TSPAN18: variants seen among roughly 807,000 people sequenced by gnomAD.
TSPAN18 encodes the protein tetraspanin 18, also known as tetraspanin-18.
TSPAN18 carries 14 observed loss-of-function variants against 27.3 expected under a neutral mutation model. That is an observed-to-expected ratio of 0.51 (90% CI 0.34 to 0.80). TSPAN18 has a LOEUF of 0.80. TSPAN18 is among the 30% of genes least tolerant of loss of function. The pLI is 0.01. For synonymous variants in TSPAN18, 143 were observed against 136.5 expected (o/e 1.05, Z -0.33); for missense variants, 268 against 323.9 (o/e 0.83, Z 1.32).
intron 3 of TSPAN18, chr11:44,897,622 G>T: frequency 2.1e-6 from 1 of 483,818 alleles, no homozygotes; most frequent in Non-Finnish European, 3.6e-6. Context: ...GCTCTAATGG[G>T]CCCAGATTAG....
intron 1 of TSPAN18, among the ~76,000 whole-genome samples, chr11:44,749,335 G>C (rs2086772992): frequency 6.6e-6 from 1 of 152,226 alleles, no homozygotes; most frequent in Non-Finnish European, 1.5e-5. Flanking sequence ...AAACTGCCTG[G>C]GACAATGTGA....
At chr11:44,738,968 C>T (rs1313252589) in intron 1 of TSPAN18, among the ~76,000 whole-genome samples, 2 of 152,184 alleles carry the variant, frequency 1.3e-5, no homozygotes, top group African/African-American at 4.8e-5. Flanking sequence ...CACTCCACCG[C>T]CAGATGGTCT....
At chr11:44,754,443 G>A (rs1332500052) in intron 1 of TSPAN18, among the ~76,000 whole-genome samples, 1 of 152,204 alleles carries the variant, frequency 6.6e-6, no homozygotes, top group Non-Finnish European at 1.5e-5. Flanking sequence ...GTGGAGTTCA[G>A]GGTCTGGAAC....
intron 2 of TSPAN18, among the ~76,000 whole-genome samples, chr11:44,802,996 A>G (rs1856516204): frequency 6.6e-6 from 1 of 152,178 alleles, no homozygotes; most frequent in Non-Finnish European, 1.5e-5. Flanking sequence ...GGCACAAGTG[A>G]GTCTTTCACT....
intron 3 of TSPAN18, among the ~76,000 whole-genome samples, chr11:44,894,553 C>T (rs1037747864): frequency 2.0e-5 from 3 of 152,252 alleles, no homozygotes; most frequent in Non-Finnish European, 2.9e-5. Flanking sequence ...GCCCCTGCTC[C>T]GTGCAGATGG....
intron 2 of TSPAN18, among the ~76,000 whole-genome samples, chr11:44,812,103 T>A (rs1856730578): frequency 6.6e-6 from 1 of 152,138 alleles, no homozygotes; most frequent in Non-Finnish European, 1.5e-5. Context: ...CTCTGCCAGG[T>A]GGGCCTGCAA....
At chr11:44,906,223 A>C (rs1859446478) in intron 3 of TSPAN18, among the ~76,000 whole-genome samples, 184 bp from the exon 4 acceptor site, 1 of 152,212 alleles carries the variant, frequency 6.6e-6, no homozygotes, top group Non-Finnish European at 1.5e-5. Context: ...AGCGAATGAA[A>C]GCTAGAGCCA....
At chr11:44,924,018 A>T (rs996115244) in intron 8 of TSPAN18, among the ~76,000 whole-genome samples, 1 of 152,010 alleles carries the variant, frequency 6.6e-6, no homozygotes, top group Admixed American at 6.6e-5. Flanking sequence ...GCTTCTTGCC[A>T]GTTTCCCCGG....
chr11:44,919,903 G>A lies in TSPAN18; in HGVS notation c.519G>A (p.Pro173=), dbSNP rs75272704. The change falls in exon 8 of 10, where the codon CCG becomes CCA. Residue 173 remains proline (P), a synonymous_variant. Coordinates refer to ENST00000520358, the MANE Select transcript of TSPAN18 (RefSeq NM_130783.5). ...RLLTLDSEEV[P]EACCRREPQS... is the part of the protein sequence containing the mutation. ...TGACCCTGGATAGTGAAGAGGTGCC[G>A]GAGGCCTGCTGCCGGAGGGAACCCC... is the stretch of plus-strand genomic sequence containing the variant. 1.1e-3 allele frequency: 1,755 copies of A among 1,614,196 alleles called. 14 individuals are homozygous for A. In the African/African-American group the frequency reaches 0.015, roughly 14 times the overall value.
chr11:44,747,651 A>G (rs909236780), intron 1 of TSPAN18, among the ~76,000 whole-genome samples: 2 of 152,116 alleles, frequency 1.3e-5, no homozygotes, highest in Non-Finnish European at 2.9e-5. Flanking sequence ...GATTTATTCT[A>G]CTGTGGGAAT....
chr11:44,830,908 T>C (rs1242240004), intron 2 of TSPAN18, among the ~76,000 whole-genome samples: 1 of 152,176 alleles, frequency 6.6e-6, no homozygotes, highest in Non-Finnish European at 1.5e-5. Flanking sequence ...AAGAGATGTT[T>C]TCCAATTGTT....
chr11:44,729,362 G>A (rs553650496), intron 1 of TSPAN18, among the ~76,000 whole-genome samples: 1 of 152,136 alleles, frequency 6.6e-6, no homozygotes, highest in Non-Finnish European at 1.5e-5. Flanking sequence ...GGAGCATGGG[G>A]CCCCTAGAAG....
At chr11:44,900,850 C>T (rs113587289) in intron 3 of TSPAN18, among the ~76,000 whole-genome samples, 4 of 151,850 alleles carry the variant, frequency 2.6e-5, no homozygotes, top group East Asian at 1.9e-4. Flanking sequence ...CCTGCCACCA[C>T]CCCCAGCTAA....
intron 9 of TSPAN18, among the ~76,000 whole-genome samples, chr11:44,927,318 C>T (rs1052656731): frequency 1.3e-5 from 2 of 152,230 alleles, no homozygotes; most frequent in African/African-American, 2.4e-5. Context: ...CGTTTCTGTC[C>T]TCTGGGATCT....
chr11:44,869,728 G>A (rs772097909), intron 3 of TSPAN18, among the ~76,000 whole-genome samples: 10 of 152,284 alleles, frequency 6.6e-5, no homozygotes, highest in East Asian at 3.9e-4. Flanking sequence ...GCTGTCACAC[G>A]GGCCCAGTGT....
chr11:44,877,763 G>C (rs547938497), intron 3 of TSPAN18, among the ~76,000 whole-genome samples: 4 of 152,244 alleles, frequency 2.6e-5, no homozygotes, highest in African/African-American at 7.2e-5. Flanking sequence ...AAATTCCCAG[G>C]CCTCCTAATT....
chr11:44,926,310 A>G (rs901541192), intron 8 of TSPAN18: 2 of 206,120 alleles, frequency 9.7e-6, no homozygotes, highest in Non-Finnish European at 9.8e-6. Flanking sequence ...CTGATGTGAA[A>G]AGGAATAGCT....
intron 3 of TSPAN18, among the ~76,000 whole-genome samples, chr11:44,877,713 C>T (rs2135251426): frequency 6.6e-6 from 1 of 152,304 alleles, no homozygotes; most frequent in South Asian, 2.1e-4. Context: ...TCGCCCACAG[C>T]CCCTGTGAAG....
rs1197161098 is a variant in TSPAN18 at position 44,743,655 on chromosome 11, C to T, written c.-240+16368C>T. ...TTTCAAGTTGCCCTTGGGCATTTCC[C>T]GCCACCCCTGTTCTGCCACCTCTGA... is the stretch of plus-strand genomic sequence containing the variant. On this transcript the variant is annotated intron_variant, in intron 1 of 9. Transcript: ENST00000520358. Among the ~76,000 whole-genome samples the T allele has an allele frequency of 5.3e-5, 8 of 152,218 alleles. No individual in the cohort carries two copies. In the East Asian group the frequency reaches 5.8e-4, roughly 11 times the overall value.
Sources: gnomAD v4.1 joint callset for allele counts (sites outside exome capture counted in the v4.1 genomes callset) on GRCh38, gnomAD v4.1.1 for gene constraint, MANE v1.5 for transcripts, NCBI Gene and HGNC (gene_info 2026-07-23, HGNC 2026-07-21) for gene names.